Variants in MAPK8IP3 observed in about 807,000 individuals in gnomAD.
MAPK8IP3 encodes C-Jun-amino-terminal kinase-interacting protein 3.
Under a neutral mutation model 157.8 loss-of-function variants are expected in MAPK8IP3, and 49 were observed. The observed-to-expected ratio is 0.31, with a 90% CI of 0.25 to 0.39. MAPK8IP3 has a LOEUF of 0.39. Ranked by LOEUF, MAPK8IP3 falls within the 10% of genes least tolerant of loss-of-function variation. The pLI, the probability that MAPK8IP3 is intolerant of heterozygous loss-of-function variation, is 1.00. For synonymous variants in MAPK8IP3, 897 were observed against 777.7 expected, an observed-to-expected ratio of 1.15 and a Z score of -2.55; for missense variants, 1,478 against 1,889.4, an observed-to-expected ratio of 0.78 and a Z score of 4.04.
rs191661446 is a variant in MAPK8IP3 at position 1,724,981 on chromosome 16, C to T, written c.439+304C>T. The stretch of plus-strand genomic sequence containing the variant: ...CTTCCTGAATCTTTTGAACAGAGCT[C>T]CTGCAGCCCCTGGGGTCCCCACCTC... On this transcript the variant is annotated intron_variant, in intron 2 of 31. Coordinates refer to ENST00000610761, the MANE Select transcript of MAPK8IP3 (RefSeq NM_001318852.2). The surrounding 1 kb of genome is among the most constrained non-coding windows in gnomAD (Gnocchi z 4.1). Among the ~76,000 whole-genome samples the T allele has an allele frequency of 5.3e-4, 81 of 152,160 alleles. No homozygotes were observed. Among genetic ancestry groups the T allele is most frequent in the African/African-American group, 1.9e-3 (80 of 41,520 alleles).
chr16:1,737,712 G>A (rs2040112088), intron 4 of MAPK8IP3, among the ~76,000 whole-genome samples: 2 of 88,700 alleles, frequency 2.3e-5, no homozygotes, highest in African/African-American at 1.1e-4. Flanking sequence ...GTGAGCATCT[G>A]TGTGACCGTC....
chr16:1,769,044 C>A lies in MAPK8IP3; in HGVS notation c.*220C>A. On this transcript the variant is annotated 3_prime_UTR_variant, in exon 32 of 32. Coordinates refer to ENST00000610761, the MANE Select transcript of MAPK8IP3 (RefSeq NM_001318852.2). ...AACTTCCACCCGAGGGGAAGATGCTCTCGGGACAGTTTCCCGGGCAGCTCC... is the reference window on the plus strand; with the variant it reads ...AACTTCCACCCGAGGGGAAGATGCTATCGGGACAGTTTCCCGGGCAGCTCC... 1 of 594,586 alleles carries A rather than the reference C, an allele frequency of 1.7e-6. No homozygotes were observed. The highest frequency in any genetic ancestry group is 2.0e-5 in the South Asian group (1 of 50,342). 36.8% of individuals were successfully genotyped at this position (594,586 alleles called of 1,614,324 possible). A position where few individuals can be genotyped will look rare whatever the true frequency, so the allele number is the denominator to read the frequency against.
At chr16:1,758,366 A>AC (rs1279349720) in intron 9 of MAPK8IP3, among the ~76,000 whole-genome samples, 1 of 149,916 alleles carries the variant, frequency 6.7e-6, no homozygotes, top group South Asian at 2.1e-4. Context: ...TGGATATCCA[A>AC]CCCCCCCAGC....
At chr16:1,708,505 A>T (rs1391794356) in intron 1 of MAPK8IP3, among the ~76,000 whole-genome samples, 5 of 152,240 alleles carry the variant, frequency 3.3e-5, no homozygotes, top group African/African-American at 4.8e-5. Context: ...GGACAACGTT[A>T]AGGCTAGGAA....
intron 1 of MAPK8IP3, among the ~76,000 whole-genome samples, chr16:1,716,994 G>A (rs1190383626): frequency 6.6e-6 from 1 of 152,054 alleles, no homozygotes; most frequent in Non-Finnish European, 1.5e-5. Context: ...GGGAGGCAGA[G>A]GTTGCAGTAA....
chr16:1,730,702 G>A (rs1596600310), intron 4 of MAPK8IP3, among the ~76,000 whole-genome samples: 1 of 152,154 alleles, frequency 6.6e-6, no homozygotes, highest in Non-Finnish European at 1.5e-5. Flanking sequence ...AATTAGCCGG[G>A]TGTGGTGGCG....
At chr16:1,739,436 GCC>G (rs2040453464) in intron 4 of MAPK8IP3, among the ~76,000 whole-genome samples, 2 of 140,510 alleles carry the variant, frequency 1.4e-5, no homozygotes, top group East Asian at 2.3e-4. Flanking sequence ...GTCCGTGTGA[GCC>G]TCCGTGTGAC....
At chr16:1,707,372 C>G (rs1421290986) in intron 1 of MAPK8IP3, 2 of 152,234 alleles carry the variant, frequency 1.3e-5, no homozygotes, top group African/African-American at 4.8e-5. Context: ...TGTCTTTGCC[C>G]CCTTGGTTCC....
intron 4 of MAPK8IP3, among the ~76,000 whole-genome samples, chr16:1,729,987 TTA>T: frequency 6.9e-6 from 1 of 144,874 alleles, no homozygotes; most frequent in Non-Finnish European, 1.5e-5. Context: ...GGCAGGAGGA[TTA>T]CTTGAGCCCA....
rs914101147 is a variant in MAPK8IP3, at chr16:1,742,754, G to A, written c.603-578G>A. Reference sequence around the variant, plus strand: ...GCATTGCTCATGGTGGCCGTGCAGCGCTGACCGTGATGCCAAGTCCCGTGG... The same window carrying A: ...GCATTGCTCATGGTGGCCGTGCAGCACTGACCGTGATGCCAAGTCCCGTGG... On this transcript the variant is annotated intron_variant, in intron 4 of 31. Coordinates refer to ENST00000610761, the MANE Select transcript of MAPK8IP3 (RefSeq NM_001318852.2). This position sits in a 1 kb window ranked among gnomAD's most constrained non-coding sequence, Gnocchi z 5.0. Among the ~76,000 whole-genome samples the A allele has an allele frequency of 3.3e-5, 5 of 152,294 alleles. No homozygotes were observed. The highest frequency in any genetic ancestry group is 1.9e-4 in the East Asian group (1 of 5,186).
intron 4 of MAPK8IP3, 72 bp downstream of exon 4, chr16:1,729,650 C>T (rs2039160900): frequency 1.4e-6 from 2 of 1,398,628 alleles, no homozygotes; most frequent in Non-Finnish European, 2.0e-6. Context: ...GCGGCACATG[C>T]CAGGGTCGTA....
chr16:1,736,851 T>TGA (rs1567165457), intron 4 of MAPK8IP3, among the ~76,000 whole-genome samples: 1 of 74,214 alleles, frequency 1.3e-5, no homozygotes, highest in Non-Finnish European at 2.6e-5. Flanking sequence ...TGACCGTCCG[T>TGA]GTGTGACCGT....
chr16:1,758,073 ATT>A, intron 8 of MAPK8IP3, 73 bp from the exon 9 acceptor site: 1 of 1,445,034 alleles, frequency 6.9e-7, no homozygotes, highest in South Asian at 1.1e-5. Flanking sequence ...ATAAGAATGT[ATT>A]GTTAGTTCCA....
intron 4 of MAPK8IP3, among the ~76,000 whole-genome samples, chr16:1,735,920 G>A (rs1192465047): frequency 2.1e-4 from 29 of 138,112 alleles, no homozygotes; most frequent in East Asian, 2.3e-4. Context: ...GTGACCATCC[G>A]TGAGCATCCG....
intron 21 of MAPK8IP3, 30 bp downstream of exon 21, chr16:1,766,172 CT>C: frequency 6.2e-7 from 1 of 1,602,046 alleles, no homozygotes; most frequent in Admixed American, 1.7e-5. Context: ...CCCCCATCCC[CT>C]CATTCCCACG....
intron 20 of MAPK8IP3, 69 bp downstream of exon 20, chr16:1,765,247 C>G (rs2042190747): frequency 4.7e-6 from 7 of 1,497,296 alleles, no homozygotes; most frequent in Non-Finnish European, 6.3e-6. Context: ...AGTAAAAGCC[C>G]TGCCACACAG....
rs377682270 is a variant in MAPK8IP3 at position 1,735,467 on chromosome 16, G to T, written c.602+5889G>T. 6.0e-5 allele frequency among the ~76,000 whole-genome samples: 7 copies of T among 117,224 alleles called. 1 individual carries two copies. The highest frequency in any genetic ancestry group is 2.5e-4 in the African/African-American group (6 of 23,590). 76.9% of individuals were successfully genotyped at this position (117,224 alleles called of 152,430 possible). A position where few individuals can be genotyped will look rare whatever the true frequency, so the allele number is the denominator to read the frequency against. On this transcript the variant is annotated intron_variant, in intron 4 of 31. Transcript: ENST00000610761. Reference sequence around the variant, plus strand: ...CGTGTGACCGTCCGTGTGAGCGTCCGTGTGAGAGTGTGACCGTCCATGTGA... The same window carrying T: ...CGTGTGACCGTCCGTGTGAGCGTCCTTGTGAGAGTGTGACCGTCCATGTGA...
intron 4 of MAPK8IP3, 117 bp downstream of exon 4, chr16:1,729,695 G>A (rs2039164381): frequency 5.3e-6 from 5 of 949,018 alleles, no homozygotes; most frequent in Non-Finnish European, 8.1e-6. Context: ...GGCTCAGGAC[G>A]ACAGGGAACA....
chr16:1,762,895 C>T lies in MAPK8IP3; in HGVS notation c.1787C>T (p.Ser596Leu), dbSNP rs944341822. The change falls in exon 16 of 32, where the codon TCG becomes TTG. Residue 596 changes from serine (S) to leucine (L), a missense_variant. Ser to Leu is a moderately radical substitution (Grantham distance 145). This residue lies in a region of MAPK8IP3 where 669 missense variants were observed against 759.8 expected (regional missense o/e 0.88). Transcript: ENST00000610761. ...SPPPAKRPYPSVNIHYKSPTT... is the reference protein window; with the variant it reads ...SPPPAKRPYPLVNIHYKSPTT... Reference sequence around the variant, plus strand: ...CCTCCGGCCAAGCGCCCCTATCCCTCGGTGAACATCCACTACAAGTCACCC... The same window carrying T: ...CCTCCGGCCAAGCGCCCCTATCCCTTGGTGAACATCCACTACAAGTCACCC... 1.2e-5 allele frequency: 20 copies of T among 1,613,158 alleles called. No individual in the cohort carries two copies. The highest frequency in any genetic ancestry group is 1.4e-5 in the Non-Finnish European group (17 of 1,179,982).
Sources: gnomAD v4.1 joint callset for allele counts (sites outside exome capture counted in the v4.1 genomes callset) on GRCh38, gnomAD v4.1.1 for gene constraint, gnomAD v4.1.1 regional missense constraint, Gnocchi (gnomAD v3.1) non-coding constraint, MANE v1.5 for transcripts, NCBI Gene and HGNC (gene_info 2026-07-23, HGNC 2026-07-21) for gene names.